Variants in MTOR observed in about 807,000 individuals in gnomAD.
MTOR encodes serine/threonine-protein kinase mTOR.
In MTOR, 70 loss-of-function variants were observed where a neutral mutation model predicts 319.8. The ratio of observed to expected loss-of-function variants is 0.22; its 90% CI spans 0.18 to 0.27. The LOEUF (loss-of-function observed/expected upper bound fraction) is 0.27, where lower values mean the gene tolerates loss of function less well. Among genes scored for constraint, MTOR ranks in the 10% least tolerant of loss-of-function variants. The pLI is 1.00. For synonymous variants in MTOR, 1,183 were observed against 1,211.4 expected, an observed-to-expected ratio of 0.98 and a Z score of 0.49; for missense variants, 1,890 against 3,274.4, an observed-to-expected ratio of 0.58 and a Z score of 10.32.
intron 28 of MTOR, chr1:11,194,921 CAAT>C (rs1557829974): frequency 1.2e-6 from 2 of 1,614,182 alleles, no homozygotes; most frequent in South Asian, 2.2e-5. Flanking sequence ...TGGGTGAGCA[CAAT>C]AAGCACCTGG....
intron 20 of MTOR, among the ~76,000 whole-genome samples, chr1:11,215,414 A>G (rs1308039675): frequency 6.6e-6 from 1 of 152,166 alleles, no homozygotes; most frequent in African/African-American, 2.4e-5. Context: ...GAAACCAGCC[A>G]TTTTGATTTT....
chr1:11,229,849 C>T (rs150341845), intron 18 of MTOR, among the ~76,000 whole-genome samples: 28 of 152,138 alleles, frequency 1.8e-4, no homozygotes, highest in South Asian at 4.2e-4. Flanking sequence ...TGGTGGCACA[C>T]GCCTGTAGTC....
intron 19 of MTOR, among the ~76,000 whole-genome samples, chr1:11,219,087 T>A (rs971608075): frequency 6.6e-6 from 1 of 152,040 alleles, no homozygotes; most frequent in Non-Finnish European, 1.5e-5. Context: ...TAGTGGCATG[T>A]GTCTGTAGTC....
At chr1:11,134,526 G>A (rs1187726549) in intron 36 of MTOR, 60 bp from the exon 37 acceptor site, 1 of 1,457,812 alleles carries the variant, frequency 6.9e-7, no homozygotes, top group Non-Finnish European at 9.6e-7. Context: ...CAGAGGAAGG[G>A]AGCTACCGTT....
chr1:11,106,910 T>C lies in MTOR; in HGVS notation c.*575A>G. 7.3e-7 allele frequency: 1 copy of C among 1,367,832 alleles called. No individual in the cohort carries two copies. The allele number at this position is 1,367,832 out of a possible 1,614,324, so 84.7% of individuals were successfully genotyped here. Reference sequence around the variant, plus strand: ...TGAAGCGTGTGAGTCGCAGCATCACTGGGTCTGATGGAAGACAGACCTTTT... The same window carrying C: ...TGAAGCGTGTGAGTCGCAGCATCACCGGGTCTGATGGAAGACAGACCTTTT... On this transcript the variant is annotated 3_prime_UTR_variant, in exon 58 of 58. Coordinates refer to ENST00000361445, the MANE Select transcript of MTOR (RefSeq NM_004958.4).
Position 11,184,379 on chromosome 1 carries a change from A to G in MTOR, c.4253+14879T>C, listed in dbSNP as rs78152642. Among the ~76,000 whole-genome samples, 160 of 152,326 alleles carry G rather than the reference A, an allele frequency of 1.1e-3. 4 individuals carry two copies. The East Asian group carries it at 0.023, about 22-fold the overall frequency. On this transcript the variant is annotated intron_variant, in intron 28 of 57. Transcript: ENST00000361445. ...CCAAATGACCCCGTCAGGGTATTTA[A>G]TATGAATGCATTACAATTTTAAGAA...
rs888576418 is a variant in MTOR, at chr1:11,129,087, T to G, written c.5715-136A>C. 1.5e-6 allele frequency: 1 copy of G among 675,842 alleles called. No individual in the cohort carries two copies. The highest frequency in any genetic ancestry group is 1.8e-5 in the African/African-American group (1 of 56,008). The allele number at this position is 675,842 out of a possible 1,614,324, so 41.9% of individuals were successfully genotyped here. A position where few individuals can be genotyped will look rare whatever the true frequency, so the allele number is the denominator to read the frequency against. On this transcript the variant is annotated intron_variant, in intron 40 of 57. Coordinates refer to ENST00000361445, the MANE Select transcript of MTOR (RefSeq NM_004958.4). This position sits in a 1 kb window ranked among gnomAD's most constrained non-coding sequence, Gnocchi z 4.7. ...ACTCTCAAATGTGTTTGGCCTCCCA[T>G]GGGAGCAGGTGTCTGTGATGGGTGG...
In MTOR at chr1:11,258,107, C is replaced by CAA. The variant is rs35956330; in HGVS notation, c.271+376_271+377dup. On this transcript the variant is annotated intron_variant, in intron 3 of 57. Transcript: ENST00000361445. Reference sequence around the variant, plus strand: ...CCCCGGCAAGAGTGAGACTCCATCTCAAAAAAAAAAAAAAGACCTGCCTTT... The same window carrying CAA: ...CCCCGGCAAGAGTGAGACTCCATCTCAAAAAAAAAAAAAAAAGACCTGCCTTT... Among the ~76,000 whole-genome samples, 110 of 136,066 alleles carry CAA rather than the reference C, an allele frequency of 8.1e-4. No homozygotes were observed. The South Asian group carries it at 9.2e-3, about 11-fold the overall frequency. The allele number at this position is 136,066 out of a possible 152,430, so 89.3% of individuals were successfully genotyped here.
At position 11,109,877 on chromosome 1, in the gene MTOR, C is replaced by T. The variant is rs1449041207; in HGVS notation, c.7367-148G>A. The T allele has an allele frequency of 3.0e-6, 2 of 657,652 alleles. No homozygotes were observed. The highest frequency in any genetic ancestry group is 5.3e-6 in the Non-Finnish European group (2 of 380,950). 40.7% of individuals were successfully genotyped at this position (657,652 alleles called of 1,614,324 possible). ...AAGAGAAGGAAAGTTTTATGTTACT[C>T]TTTATGTATTTCAAAGTTTTAAGCT... On this transcript the variant is annotated intron_variant, in intron 54 of 57. Coordinates refer to ENST00000361445, the MANE Select transcript of MTOR (RefSeq NM_004958.4). This position sits in a 1 kb window ranked among gnomAD's most constrained non-coding sequence, Gnocchi z 4.0.
At position 11,219,549 on chromosome 1, in the gene MTOR, T is replaced by C. The variant is rs542822690; in HGVS notation, c.3031-3315A>G. On this transcript the variant is annotated intron_variant, in intron 19 of 57. Coordinates refer to ENST00000361445, the MANE Select transcript of MTOR (RefSeq NM_004958.4). ...CAAATTTAGAGCAGATTTTCTAGTATTGCTCCAGGGAAAGCCCAGTTGAAT... is the reference window on the plus strand; with the variant it reads ...CAAATTTAGAGCAGATTTTCTAGTACTGCTCCAGGGAAAGCCCAGTTGAAT... 2.2e-4 allele frequency among the ~76,000 whole-genome samples: 33 copies of C among 152,292 alleles called. No homozygotes were observed. The South Asian group carries it at 4.1e-3, about 19-fold the overall frequency.
intron 28 of MTOR, chr1:11,195,114 G>A (rs1645735059): frequency 7.3e-7 from 1 of 1,364,478 alleles, no homozygotes; most frequent in Non-Finnish European, 1.0e-6. Flanking sequence ...TGTTAGAAAG[G>A]GTAGGACTGA....
intron 18 of MTOR, among the ~76,000 whole-genome samples, chr1:11,229,835 G>A (rs1646960317): frequency 1.3e-5 from 2 of 152,034 alleles, no homozygotes; most frequent in African/African-American, 2.4e-5. Context: ...AAAGTATCGA[G>A]GTGTGGTGGC....
chr1:11,127,889 T>A lies in MTOR; in HGVS notation c.6034-83A>T. 2.5e-6 allele frequency: 4 copies of A among 1,578,548 alleles called. No individual in the cohort carries two copies. The South Asian group carries it at 4.7e-5, about 19-fold the overall frequency. The stretch of plus-strand genomic sequence containing the variant: ...TGTTTTGGAGACACAGGAGGTACTA[T>A]TTCCAGCAGTCAGAGGAAGTGCACA... On this transcript the variant is annotated intron_variant, in intron 43 of 57. Coordinates refer to ENST00000361445, the MANE Select transcript of MTOR (RefSeq NM_004958.4). This position sits in a 1 kb window ranked among gnomAD's most constrained non-coding sequence, Gnocchi z 5.5.
At chr1:11,122,171 ATAC>A (rs1293878086) in intron 47 of MTOR, 45 bp from the exon 48 acceptor site, 1 of 1,610,612 alleles carries the variant, frequency 6.2e-7, no homozygotes. Flanking sequence ...TAAAGAGAGT[ATAC>A]CCTTGAGCAG....
intron 1 of MTOR, among the ~76,000 whole-genome samples, chr1:11,260,790 ATT>A (rs34219246): frequency 1.0e-4 from 14 of 134,780 alleles, no homozygotes; most frequent in African/African-American, 8.2e-5. Context: ...TGGACTAGTC[ATT>A]TTTTTTTTTT....
chr1:11,210,951 G>T, intron 23 of MTOR, 45 bp from the exon 24 acceptor site: 1 of 1,253,282 alleles, frequency 8.0e-7, no homozygotes, highest in Non-Finnish European at 1.2e-6. Flanking sequence ...ATTTTGGAGA[G>T]TGGAGAAAAA....
At chr1:11,239,980 A>AT (rs1647789024) in intron 11 of MTOR, among the ~76,000 whole-genome samples, 1 of 152,142 alleles carries the variant, frequency 6.6e-6, no homozygotes, top group African/African-American at 2.4e-5. Context: ...CTACTTATAC[A>AT]TTTTAAAGCA....
At chr1:11,259,503 C>G (rs1483327381) in intron 1 of MTOR, 80 bp from the exon 2 acceptor site, 4 of 1,436,380 alleles carry the variant, frequency 2.8e-6, no homozygotes, top group Non-Finnish European at 2.8e-6. Context: ...TCACCCAACA[C>G]AGATCTCCCC....
At chr1:11,232,875 CA>C (rs1348171127) in intron 15 of MTOR, 5 of 535,970 alleles carry the variant, frequency 9.3e-6, no homozygotes, top group Non-Finnish European at 1.6e-5. Flanking sequence ...GTCTCAAAAA[CA>C]AATAAATAAA....
Sources: allele counts gnomAD v4.1 joint callset (sites outside exome capture counted in the v4.1 genomes callset), GRCh38; gene constraint gnomAD v4.1.1; non-coding constraint Gnocchi (gnomAD v3.1); transcripts MANE v1.5; gene names NCBI Gene and HGNC (gene_info 2026-07-23, HGNC 2026-07-21).